KCNIP1: variants seen among roughly 807,000 people sequenced by gnomAD.
KCNIP1 encodes the protein A-type potassium channel modulatory protein KCNIP1.
A neutral mutation model predicts 33.0 loss-of-function variants in KCNIP1; 18 were observed. That is an observed-to-expected ratio of 0.55 (90% CI 0.38 to 0.81). The LOEUF (loss-of-function observed/expected upper bound fraction) is 0.81. KCNIP1 is among the 30% of genes least tolerant of loss of function. The pLI is 0.00. For synonymous variants in KCNIP1, 93 were observed against 98.3 expected (o/e 0.95, Z 0.32); for missense variants, 238 against 271.6 (o/e 0.88, Z 0.87).
intron 1 of KCNIP1, among the ~76,000 whole-genome samples, chr5:170,640,354 G>A (rs186797941): frequency 8.2e-4 from 125 of 152,246 alleles, no homozygotes; most frequent in Middle Eastern, 3.4e-3. Context: ...ACCCAGCCCC[G>A]TGCTAGAAAG....
chr5:170,354,037 G>A (rs1423252468), intron 1 of KCNIP1: 4 of 1,356,636 alleles, frequency 2.9e-6, no homozygotes, highest in East Asian at 2.3e-5. Context: ...TCGGTGTGGT[G>A]AGCGTGACCA....
chr5:170,594,819 GTTTC>G (rs1758389133), intron 1 of KCNIP1, among the ~76,000 whole-genome samples: 1 of 152,154 alleles, frequency 6.6e-6, no homozygotes, highest in African/African-American at 2.4e-5. Context: ...CCTAACTACA[GTTTC>G]TTTATCTGTA....
Position 170,628,149 on chromosome 5 carries a change from C to T in KCNIP1, c.62-90609C>T, listed in dbSNP as rs372667482. ...GCAGCCAAAGAGGTCTTCAGGGTAGCGTGTGGCCTGGGCGCTGAGACTATT... is the reference window on the plus strand; with the variant it reads ...GCAGCCAAAGAGGTCTTCAGGGTAGTGTGTGGCCTGGGCGCTGAGACTATT... On this transcript the variant is annotated intron_variant, in intron 1 of 7. Coordinates refer to ENST00000328939, the MANE Select transcript of KCNIP1 (RefSeq NM_014592.4). Among the ~76,000 whole-genome samples, 46 of 152,300 alleles carry T rather than the reference C, an allele frequency of 3.0e-4. No individual in the cohort carries two copies. The South Asian group carries it at 9.3e-3, about 31-fold the overall frequency.
intron 1 of KCNIP1, chr5:170,482,999 T>G: frequency 2.3e-6 from 1 of 435,506 alleles, no homozygotes; most frequent in South Asian, 1.7e-5. Context: ...ATAGCCTAAA[T>G]TTTAAATTAA....
At chr5:170,685,098 A>G (rs1476412612) in intron 1 of KCNIP1, among the ~76,000 whole-genome samples, 2 of 152,130 alleles carry the variant, frequency 1.3e-5, no homozygotes, top group East Asian at 3.9e-4. Flanking sequence ...CTCCTTGCCC[A>G]TAAGGACAAC....
At chr5:170,604,691 C>G (rs1455396068) in intron 1 of KCNIP1, among the ~76,000 whole-genome samples, 2 of 152,202 alleles carry the variant, frequency 1.3e-5, no homozygotes, top group Non-Finnish European at 2.9e-5. Flanking sequence ...TGTCCAGGCA[C>G]TGACAGCAGG....
At chr5:170,393,416 C>T (rs1465639418) in intron 1 of KCNIP1, among the ~76,000 whole-genome samples, 3 of 152,320 alleles carry the variant, frequency 2.0e-5, no homozygotes, top group Non-Finnish European at 4.4e-5. Flanking sequence ...GTGTTAGTCA[C>T]TCTCAGTCCT....
chr5:170,372,580 G>A (rs1398052359), intron 1 of KCNIP1, among the ~76,000 whole-genome samples: 2 of 151,816 alleles, frequency 1.3e-5, no homozygotes, highest in Non-Finnish European at 2.9e-5. Context: ...TTATCTCACT[G>A]GAAAAAAGAC....
intron 1 of KCNIP1, among the ~76,000 whole-genome samples, chr5:170,579,999 A>T (rs554463251): frequency 6.6e-6 from 1 of 151,998 alleles, no homozygotes; most frequent in Non-Finnish European, 1.5e-5. Context: ...GTTTCTTGCA[A>T]GTTCACAGAT....
At chr5:170,390,852 C>G (rs955037669) in intron 1 of KCNIP1, among the ~76,000 whole-genome samples, 5 of 152,090 alleles carry the variant, frequency 3.3e-5, no homozygotes, top group African/African-American at 1.2e-4. Flanking sequence ...TCCCCAGCCC[C>G]CAGGGAGGTG....
At chr5:170,506,292 G>C (rs975118246) in intron 1 of KCNIP1, among the ~76,000 whole-genome samples, 1 of 152,110 alleles carries the variant, frequency 6.6e-6, no homozygotes, top group Admixed American at 6.5e-5. Flanking sequence ...ACCTCCCTAA[G>C]CCTCAGTTTT....
At chr5:170,595,189 G>T (rs910609793) in intron 1 of KCNIP1, among the ~76,000 whole-genome samples, 3 of 152,232 alleles carry the variant, frequency 2.0e-5, no homozygotes, top group Non-Finnish European at 2.9e-5. Context: ...GGGGACTGGG[G>T]GTGAGGAGTG....
chr5:170,617,151 C>CA (rs542280067), intron 1 of KCNIP1, among the ~76,000 whole-genome samples: 4 of 123,602 alleles, frequency 3.2e-5, no homozygotes, highest in Non-Finnish European at 6.9e-5. Flanking sequence ...AGGGTCCCTG[C>CA]AATGAAGACC....
chr5:170,643,319 T>C (rs1443235250), intron 1 of KCNIP1, among the ~76,000 whole-genome samples: 3 of 152,268 alleles, frequency 2.0e-5, no homozygotes, highest in Non-Finnish European at 4.4e-5. Context: ...TCCACATTTC[T>C]GGCTCCAGAA....
chr5:170,448,686 T>C lies in KCNIP1; in HGVS notation c.88+94722T>C, dbSNP rs555041356. Among the ~76,000 whole-genome samples, 8 of 152,326 alleles carry C rather than the reference T, an allele frequency of 5.3e-5. No homozygotes were observed. The South Asian group carries it at 1.7e-3, about 32-fold the overall frequency. ...TGCAAACAAATAATAGTGTATGAGC[T>C]GGTCTGGACCCAACAAGGCCTGTTT... On this transcript the variant is annotated intron_variant, in intron 1 of 7. Transcript: ENST00000377360.
intron 1 of KCNIP1, among the ~76,000 whole-genome samples, chr5:170,418,777 T>G (rs970645139): frequency 1.3e-5 from 2 of 152,336 alleles, no homozygotes; most frequent in African/African-American, 4.8e-5. Context: ...GGTTCTCTGC[T>G]GGATCACCAT....
chr5:170,613,532 G>A (rs1009291848), intron 1 of KCNIP1, among the ~76,000 whole-genome samples: 2 of 152,098 alleles, frequency 1.3e-5, no homozygotes, highest in Non-Finnish European at 2.9e-5. Context: ...CAGCTAATAA[G>A]TGAGAGAGCC....
intron 1 of KCNIP1, among the ~76,000 whole-genome samples, chr5:170,371,110 C>T (rs1763831700): frequency 6.6e-6 from 1 of 152,114 alleles, no homozygotes; most frequent in Non-Finnish European, 1.5e-5. Flanking sequence ...GTGTACCAGT[C>T]TCCCTTCTGT....
chr5:170,465,526 T>C (rs1268384592), intron 1 of KCNIP1, among the ~76,000 whole-genome samples: 1 of 152,176 alleles, frequency 6.6e-6, no homozygotes, highest in Admixed American at 6.5e-5. Flanking sequence ...ATGTACCAAG[T>C]ACTGTGCTAG....
Sources: allele counts gnomAD v4.1 joint callset (sites outside exome capture counted in the v4.1 genomes callset), GRCh38; gene constraint gnomAD v4.1.1; transcripts MANE v1.5; gene names NCBI Gene and HGNC (gene_info 2026-07-23, HGNC 2026-07-21).